The following HNRNPK variants were observed in gnomAD, a reference collection of about 807,000 sequenced individuals.
HNRNPK encodes the protein heterogeneous nuclear ribonucleoprotein K, also known as dC-stretch binding protein.
HNRNPK carries 7 observed loss-of-function variants against 67.0 expected under a neutral mutation model. The ratio of observed to expected loss-of-function variants is 0.10; its 90% CI spans 0.06 to 0.20. The LOEUF (loss-of-function observed/expected upper bound fraction) is 0.20, where lower values mean the gene tolerates loss of function less well. Among genes scored for constraint, HNRNPK ranks in the 10% least tolerant of loss-of-function variants. The probability of loss-of-function intolerance (pLI) is 1.00; values close to 1 mark genes in which losing one functional copy is unlikely to be tolerated. For synonymous variants in HNRNPK, 213 were observed against 193.7 expected, an observed-to-expected ratio of 1.10 and a Z score of -0.83; for missense variants, 264 against 606.5, an observed-to-expected ratio of 0.44 and a Z score of 5.93.
chr9:83,978,688 C>T lies in HNRNPK; in HGVS notation c.-107-236G>A, dbSNP rs372899671. Reference sequence around the variant, plus strand: ...AACTTTTAGCCACTGGATTAAGTCCCACCACAGCAATGAATTGTTTTATAC... The same window carrying T: ...AACTTTTAGCCACTGGATTAAGTCCTACCACAGCAATGAATTGTTTTATAC... On this transcript the variant is annotated intron_variant, in intron 1 of 16. Coordinates refer to ENST00000376263, the MANE Select transcript of HNRNPK (RefSeq NM_031263.4). Among the ~76,000 whole-genome samples, 19 of 152,282 alleles carry T rather than the reference C, an allele frequency of 1.2e-4. No homozygotes were observed. The South Asian group carries it at 3.7e-3, about 30-fold the overall frequency.
chr9:83,970,147 T>C lies in HNRNPK; in HGVS notation c.1361+15A>G. 1 of 1,597,972 alleles carries C rather than the reference T, an allele frequency of 6.3e-7. No individual in the cohort carries two copies. On this transcript the variant is annotated intron_variant, in intron 16 of 16. Transcript: ENST00000376263. The stretch of plus-strand genomic sequence containing the variant: ...TAGTATGTATAAGCTAACACAAAGC[T>C]AAACTTAAACTGACCTGTTCTGCAG...
In HNRNPK at chr9:83,970,469, G is replaced by A. The variant is rs1956776166; in HGVS notation, c.1192-138C>T. 17 of 717,644 alleles carry A rather than the reference G, an allele frequency of 2.4e-5. No homozygotes were observed. The South Asian group carries it at 3.2e-4, about 13-fold the overall frequency. The allele number at this position is 717,644 out of a possible 1,614,324, so 44.5% of individuals were successfully genotyped here. A position where few individuals can be genotyped will look rare whatever the true frequency, so the allele number is the denominator to read the frequency against. On this transcript the variant is annotated intron_variant, in intron 15 of 16. Coordinates refer to ENST00000376263, the MANE Select transcript of HNRNPK (RefSeq NM_031263.4). Reference sequence around the variant, plus strand: ...ATCTAACGCTCCCTAAACCTGTCAAGGTTTGAGTTATAATGTATTTATGTC... The same window carrying A: ...ATCTAACGCTCCCTAAACCTGTCAAAGTTTGAGTTATAATGTATTTATGTC...
At chr9:83,978,170 TG>T (rs754565466) in intron 3 of HNRNPK, 24 bp downstream of exon 3, 3 of 1,456,754 alleles carry the variant, frequency 2.1e-6, no homozygotes, top group Non-Finnish European at 2.9e-6. Context: ...AAAAAAATAC[TG>T]TTAAAACTAA....
At position 83,971,485 on chromosome 9, in the gene HNRNPK, G is replaced by A. The variant is rs937115547; in HGVS notation, c.1009-129C>T. On this transcript the variant is annotated intron_variant, in intron 12 of 16. Transcript: ENST00000376263. ...ATATATAGGCAGCAATTTTGTAATC[G>A]AGGGGAACAAAGCTCAATAAAGTCG... is the stretch of plus-strand genomic sequence containing the variant. 71 of 805,110 alleles carry A rather than the reference G, an allele frequency of 8.8e-5. No homozygotes were observed. In the Middle Eastern group the frequency reaches 9.3e-4, roughly 11 times the overall value. 49.9% of individuals were successfully genotyped at this position (805,110 alleles called of 1,614,324 possible).
At position 83,974,088 on chromosome 9, in the gene HNRNPK, G is replaced by T. The variant is rs1012521588; in HGVS notation, c.331-115C>A. On this transcript the variant is annotated intron_variant, in intron 7 of 16. Transcript: ENST00000376263. ...TTAAATCTATATTATTAAATAATGA[G>T]AAACTGCTTTATTCAACATTAAGAC... 7 of 630,352 alleles carry T rather than the reference G, an allele frequency of 1.1e-5. No individual in the cohort carries two copies. The African/African-American group carries it at 1.1e-4, about 10-fold the overall frequency. 39.0% of individuals were successfully genotyped at this position (630,352 alleles called of 1,614,324 possible). A position where few individuals can be genotyped will look rare whatever the true frequency, so the allele number is the denominator to read the frequency against.
chr9:83,969,577 A>G (rs1956727940), intron 16 of HNRNPK, 137 bp from the exon 17 acceptor site: 2 of 660,068 alleles, frequency 3.0e-6, no homozygotes, highest in Non-Finnish European at 5.4e-6. Flanking sequence ...AACCATTAGC[A>G]ATTACAAATT....
In HNRNPK at chr9:83,971,322, G is replaced by T. The variant is rs1956828018; in HGVS notation, c.1043C>A (p.Ala348Glu). The T allele has an allele frequency of 6.2e-7, 1 of 1,612,218 alleles. No individual in the cohort carries two copies. The highest frequency in any genetic ancestry group is 8.5e-7 in the Non-Finnish European group (1 of 1,178,308). ...GFSADETWDS[A>E]IDTWSPSEWQ... ...TTCTGATGGGCTCCATGTATCTATT[G>T]CAGAGTCCCAAGTTTCATCAGCACT... The change falls in exon 13 of 17, where the codon GCA becomes GAA. Residue 348 changes from alanine (A) to glutamate (E), a missense_variant. By Grantham distance (107) the Ala-to-Glu change is moderately radical. Around this residue, in one of 6 missense-constraint regions of HNRNPK, gnomAD observed 142 missense variants for 256.5 expected, o/e 0.55. Transcript: ENST00000376263.
At position 83,978,430 on chromosome 9, in the gene HNRNPK, T is replaced by TG. The variant is rs1287526323; in HGVS notation, c.-86dup. 2 of 1,330,064 alleles carry TG rather than the reference T, an allele frequency of 1.5e-6. No homozygotes were observed. The highest frequency in any genetic ancestry group is 1.9e-6 in the Non-Finnish European group (2 of 1,026,886). The allele number at this position is 1,330,064 out of a possible 1,614,324, so 82.4% of individuals were successfully genotyped here. On this transcript the variant is annotated 5_prime_UTR_variant, in exon 2 of 17. Coordinates refer to ENST00000376263, the MANE Select transcript of HNRNPK (RefSeq NM_031263.4). ...AAGCGTTCTGGGTCGGACCAACAAC[T>TG]GACACCCCAGTGCTGCAGTAGCCTA... is the stretch of plus-strand genomic sequence containing the variant.
chr9:83,977,434 T>C (rs1957121727), intron 4 of HNRNPK, among the ~76,000 whole-genome samples: 2 of 152,320 alleles, frequency 1.3e-5, no homozygotes, highest in South Asian at 4.1e-4. Context: ...ATAATTAAGA[T>C]TTAATCTATT....
Position 83,972,133 on chromosome 9 carries a change from A to G in HNRNPK, c.702T>C (p.Tyr234=), listed in dbSNP as rs763304892. Residue 234 remains tyrosine, a synonymous_variant, in exon 11 of 17, where the codon TAT becomes TAC. Transcript: ENST00000376263. ...PYDPNFYDET[Y]DYGGFTMMFD... is the part of the protein sequence containing the mutation. ...ACATCATTGTAAAACCACCATAATCATAGGTTTCATCGTAAAAATTGGGAT... is the reference window on the plus strand; with the variant it reads ...ACATCATTGTAAAACCACCATAATCGTAGGTTTCATCGTAAAAATTGGGAT... 1.5e-5 allele frequency: 25 copies of G among 1,613,492 alleles called. No individual in the cohort carries two copies. The highest frequency in any genetic ancestry group is 1.9e-5 in the Non-Finnish European group (23 of 1,179,718).
At position 83,971,303 on chromosome 9, in the gene HNRNPK, T is replaced by A. The variant is rs114279043; in HGVS notation, c.1062A>T (p.Pro354=). The A allele has an allele frequency of 1.6e-4, 250 of 1,612,280 alleles. 1 individual carries two copies. The African/African-American group carries it at 3.0e-3, about 19-fold the overall frequency. The part of the protein sequence containing the change: ...TWDSAIDTWS[P]SEWQMAYEPQ... ...GTTCATAAGCCATCTGCCATTCTGA[T>A]GGGCTCCATGTATCTATTGCAGAGT... is the stretch of plus-strand genomic sequence containing the variant. Residue 354 remains proline, a synonymous_variant, in exon 13 of 17, where the codon CCA becomes CCT. Coordinates refer to ENST00000376263, the MANE Select transcript of HNRNPK (RefSeq NM_031263.4).
chr9:83,970,531 C>G (rs1018025607), intron 15 of HNRNPK, 200 bp from the exon 16 acceptor site: 6 of 642,258 alleles, frequency 9.3e-6, no homozygotes, highest in African/African-American at 3.7e-5. Flanking sequence ...GTTAAGGGCT[C>G]AAAACCTACT....
chr9:83,972,310 A>G (rs1658111971), intron 10 of HNRNPK, 121 bp from the exon 11 acceptor site: 1 of 720,244 alleles, frequency 1.4e-6, no homozygotes, highest in Non-Finnish European at 2.3e-6. Flanking sequence ...GGTACTAGAG[A>G]CAGAAACAGG....
chr9:83,973,767 T>C, intron 8 of HNRNPK, 135 bp downstream of exon 8: 1 of 659,398 alleles, frequency 1.5e-6, no homozygotes, highest in Non-Finnish European at 2.7e-6. Flanking sequence ...CAACAGTGAG[T>C]TGTAAGACCA....
At chr9:83,969,778 G>C (rs775309693) in intron 16 of HNRNPK, 1 of 647,032 alleles carries the variant, frequency 1.5e-6, no homozygotes, top group Non-Finnish European at 3.0e-6. Context: ...CCATATGGCA[G>C]ACTGTGATTT....
intron 10 of HNRNPK, 126 bp from the exon 11 acceptor site, chr9:83,972,315 A>ATTCCTGTTTCTGTCTCT: frequency 1.4e-6 from 1 of 699,014 alleles, no homozygotes; most frequent in Non-Finnish European, 2.4e-6. Context: ...TAGAGACAGA[A>ATTCCTGTTTCTGTCTCT]ACAGGAATTA....
At chr9:83,980,241 T>C (rs1434948321), upstream of HNRNPK, 6 of 152,380 alleles carry the variant, frequency 3.9e-5, no homozygotes, top group Admixed American at 6.5e-5. Flanking sequence ...TCCCCCGCCT[T>C]CTCGCGTCCT....
At chr9:83,979,026 C>T (rs1255906288) in intron 1 of HNRNPK, among the ~76,000 whole-genome samples, 2 of 152,170 alleles carry the variant, frequency 1.3e-5, no homozygotes, top group African/African-American at 4.8e-5. Context: ...AAATGGAGCC[C>T]TTGAAAACTA....
intron 6 of HNRNPK, 107 bp downstream of exon 6, chr9:83,975,355 C>G: frequency 2.0e-6 from 2 of 1,025,120 alleles, no homozygotes; most frequent in Non-Finnish European, 3.0e-6. Context: ...ACTTGAAAAA[C>G]AATACACCGT....
Sources: gnomAD v4.1 joint callset for allele counts (sites outside exome capture counted in the v4.1 genomes callset) on GRCh38, gnomAD v4.1.1 for gene constraint, gnomAD v4.1.1 regional missense constraint, MANE v1.5 for transcripts, NCBI Gene and HGNC (gene_info 2026-07-23, HGNC 2026-07-21) for gene names.